The following XIRP2 variants were observed in gnomAD, a reference collection of about 807,000 sequenced individuals.
XIRP2 encodes the protein xin actin-binding repeat-containing protein 2.
In XIRP2, 236 loss-of-function variants were observed where a neutral mutation model predicts 277.0. The observed-to-expected ratio is 0.85, with a 90% CI of 0.77 to 0.95. The LOEUF (loss-of-function observed/expected upper bound fraction) is 0.95, where lower values mean the gene tolerates loss of function less well. Ranked by LOEUF, XIRP2 falls within the 40% of genes least tolerant of loss-of-function variation. The pLI, the probability that XIRP2 is intolerant of heterozygous loss-of-function variation, is 0.00. For missense variants in XIRP2, 4,640 were observed against 4,157.5 expected (o/e 1.12, Z -3.19); for synonymous variants, 1,490 against 1,416.5 (o/e 1.05, Z -1.17).
chr2:167,257,319 C>T (rs936712496), intron 10 of XIRP2, among the ~76,000 whole-genome samples: 4 of 151,848 alleles, frequency 2.6e-5, no homozygotes, highest in Non-Finnish European at 5.9e-5. Context: ...GTTGATGTAT[C>T]TGTTTTTATG....
chr2:166,926,813 A>T (rs1685200051), intron 2 of XIRP2, among the ~76,000 whole-genome samples: 1 of 152,128 alleles, frequency 6.6e-6, no homozygotes, highest in East Asian at 1.9e-4. Context: ...TTTCATGCTT[A>T]GAACACAGCC....
chr2:166,913,676 T>C (rs1002401509), intron 2 of XIRP2, among the ~76,000 whole-genome samples: 3 of 152,178 alleles, frequency 2.0e-5, no homozygotes, highest in Non-Finnish European at 4.4e-5. Context: ...TGTACTGACA[T>C]AGACTCCACC....
At chr2:166,985,345 TTTAC>T (rs1335354105) in intron 2 of XIRP2, among the ~76,000 whole-genome samples, 3 of 152,228 alleles carry the variant, frequency 2.0e-5, no homozygotes, top group Non-Finnish European at 2.9e-5. Context: ...GCCATTGATT[TTTAC>T]TTACTAACAT....
At chr2:166,946,133 T>A (rs1381610649) in intron 2 of XIRP2, among the ~76,000 whole-genome samples, 1 of 152,184 alleles carries the variant, frequency 6.6e-6, no homozygotes, top group East Asian at 1.9e-4. Context: ...AATATAACAA[T>A]GACAATTATG....
At chr2:167,253,902 TA>T in intron 9 of XIRP2, 129 bp from the exon 10 acceptor site, 2 of 1,032,200 alleles carry the variant, frequency 1.9e-6, no homozygotes, top group Admixed American at 3.0e-5. Context: ...AGAAACATCA[TA>T]AGGACAGTAG....
At chr2:167,035,527 C>T (rs554526273) in intron 2 of XIRP2, among the ~76,000 whole-genome samples, 4 of 152,222 alleles carry the variant, frequency 2.6e-5, no homozygotes, top group Admixed American at 2.6e-4. Context: ...TTTAGGGTAT[C>T]TGGTAGAAGA....
chr2:167,033,712 A>G (rs1688427884), intron 2 of XIRP2, among the ~76,000 whole-genome samples: 1 of 152,180 alleles, frequency 6.6e-6, no homozygotes, highest in African/African-American at 2.4e-5. Context: ...TTACAGGCCA[A>G]GAGAGAATGG....
intron 3 of XIRP2, among the ~76,000 whole-genome samples, chr2:167,171,904 T>A (rs1289891289): frequency 1.3e-5 from 2 of 152,322 alleles, no homozygotes; most frequent in Admixed American, 6.5e-5. Context: ...TCATGACACA[T>A]GTTTTAAATG....
At chr2:167,230,862 C>T (rs749504092) in intron 5 of XIRP2, among the ~76,000 whole-genome samples, 12 of 151,980 alleles carry the variant, frequency 7.9e-5, no homozygotes, top group East Asian at 1.9e-4. Flanking sequence ...AGTTTACCAG[C>T]GAAGATACTG....
At chr2:166,891,395 C>T (rs1372137537) in intron 1 of XIRP2, among the ~76,000 whole-genome samples, 1 of 152,030 alleles carries the variant, frequency 6.6e-6, no homozygotes, top group African/African-American at 2.4e-5. Context: ...AAGTAATGTA[C>T]TATGTTAGCT....
intron 2 of XIRP2, among the ~76,000 whole-genome samples, chr2:166,905,714 T>A (rs1021807525): frequency 1.3e-5 from 2 of 151,760 alleles, no homozygotes; most frequent in Non-Finnish European, 2.9e-5. Flanking sequence ...ACAAAAAAAG[T>A]GTTAGGAATG....
Position 167,078,562 on chromosome 2 carries a change from A to G in XIRP2, c.409-57347A>G, listed in dbSNP as rs1379047616. Reference sequence around the variant, plus strand: ...CCTTTAACGGCAAAAACTGGCCGGGAGTGGTGGCTCACGCCTGTAATCCCA... The same window carrying G: ...CCTTTAACGGCAAAAACTGGCCGGGGGTGGTGGCTCACGCCTGTAATCCCA... On this transcript the variant is annotated intron_variant, in intron 2 of 10. Transcript: ENST00000409195. Among the ~76,000 whole-genome samples, 3 of 152,096 alleles carry G rather than the reference A, an allele frequency of 2.0e-5. No individual in the cohort carries two copies. The South Asian group carries it at 6.2e-4, about 32-fold the overall frequency.
intron 3 of XIRP2, among the ~76,000 whole-genome samples, chr2:167,139,924 T>G (rs1691661533): frequency 6.6e-6 from 1 of 152,230 alleles, no homozygotes; most frequent in Admixed American, 6.5e-5. Context: ...TATTGGAAGC[T>G]GACATTCGTC....
At chr2:167,154,922 C>T (rs1394573907) in intron 3 of XIRP2, among the ~76,000 whole-genome samples, 14 of 151,708 alleles carry the variant, frequency 9.2e-5, no homozygotes, top group Non-Finnish European at 1.3e-4. Context: ...ATATCACCAC[C>T]GATCCCACAG....
intron 2 of XIRP2, among the ~76,000 whole-genome samples, chr2:167,083,365 AG>A (rs1281878964): frequency 2.0e-5 from 3 of 152,242 alleles, no homozygotes; most frequent in African/African-American, 7.2e-5. Context: ...TATAGATTGA[AG>A]TCAGGTAGTG....
intron 5 of XIRP2, among the ~76,000 whole-genome samples, chr2:167,236,424 A>G (rs1293831036): frequency 6.6e-6 from 1 of 152,058 alleles, no homozygotes; most frequent in African/African-American, 2.4e-5. Context: ...GTGCATATCA[A>G]CAATAGATTT....
intron 3 of XIRP2, among the ~76,000 whole-genome samples, chr2:167,140,165 A>G (rs186460537): frequency 6.6e-6 from 1 of 152,362 alleles, no homozygotes; most frequent in East Asian, 1.9e-4. Flanking sequence ...AAAATTAAGA[A>G]AAATATAATT....
chr2:166,899,455 T>A (rs527604887), intron 1 of XIRP2, among the ~76,000 whole-genome samples: 1 of 152,270 alleles, frequency 6.6e-6, no homozygotes, highest in East Asian at 1.9e-4. Flanking sequence ...TTTTCCTCTT[T>A]CTATTCTTTC....
rs1254706180 is a variant in XIRP2, at chr2:167,250,812, G to A, written c.9420G>A (p.Glu3140=). 1 of 1,613,268 alleles carries A rather than the reference G, an allele frequency of 6.2e-7. No homozygotes were observed. The highest frequency in any genetic ancestry group is 1.1e-5 in the South Asian group (1 of 91,048). ...ARRTENPTKN[E]LSQSPKKDSY... ...GAACAGAAAACCCTACTAAGAACGA[G>A]CTTTCTCAGTCCCCTAAAAAGGACA... is the stretch of plus-strand genomic sequence containing the variant. The change falls in exon 9 of 11, where the codon GAG becomes GAA. Residue 3140 remains glutamate, a synonymous_variant. Coordinates refer to ENST00000409195, the MANE Select transcript of XIRP2 (RefSeq NM_152381.6).
Sources: allele counts gnomAD v4.1 joint callset (sites outside exome capture counted in the v4.1 genomes callset), GRCh38; gene constraint gnomAD v4.1.1; transcripts MANE v1.5; gene names NCBI Gene and HGNC (gene_info 2026-07-23, HGNC 2026-07-21).